Variants in RFX3 observed in about 807,000 individuals in gnomAD.
The protein encoded by RFX3 is transcription factor RFX3.
In RFX3, 14 loss-of-function variants were observed where a neutral mutation model predicts 98.6. The ratio of observed to expected loss-of-function variants is 0.14; its 90% CI spans 0.09 to 0.22. The LOEUF is 0.22. RFX3 is among the 10% of genes least tolerant of loss of function. RFX3 has a pLI of 1.00. For synonymous variants in RFX3, 383 were observed against 328.4 expected, an observed-to-expected ratio of 1.17 and a Z score of -1.80; for missense variants, 639 against 926.9, an observed-to-expected ratio of 0.69 and a Z score of 4.03.
intron 1 of RFX3, among the ~76,000 whole-genome samples, chr9:3,412,344 A>C (rs1010999096): frequency 1.3e-5 from 2 of 152,166 alleles, no homozygotes; most frequent in African/African-American, 4.8e-5. Context: ...ATGAAGCTCT[A>C]CCACACCATT....
chr9:3,345,648 G>A (rs1229615073), intron 3 of RFX3, among the ~76,000 whole-genome samples: 1 of 152,058 alleles, frequency 6.6e-6, no homozygotes, highest in Non-Finnish European at 1.5e-5. Context: ...ATAACAAAAA[G>A]CTCAGAATAT....
chr9:3,386,027 C>G (rs2131783730), intron 2 of RFX3, among the ~76,000 whole-genome samples: 2 of 152,292 alleles, frequency 1.3e-5, no homozygotes, highest in East Asian at 3.9e-4. Flanking sequence ...GACACCACCA[C>G]CACCTCTGCA....
At chr9:3,274,895 G>A (rs750966088) in intron 9 of RFX3, among the ~76,000 whole-genome samples, 1 of 151,482 alleles carries the variant, frequency 6.6e-6, no homozygotes, top group Non-Finnish European at 1.5e-5. Flanking sequence ...TATATATGAA[G>A]GAAAAGGAAG....
Position 3,366,703 on chromosome 9 carries a change from T to TTTC in RFX3, c.118-19942_118-19940dup, listed in dbSNP as rs746390387. 3.3e-3 allele frequency among the ~76,000 whole-genome samples: 396 copies of TTTC among 118,280 alleles called. 3 individuals are homozygous for TTTC. The highest frequency in any genetic ancestry group is 7.6e-3 in the Middle Eastern group (2 of 262). 77.6% of individuals were successfully genotyped at this position (118,280 alleles called of 152,430 possible). A position where few individuals can be genotyped will look rare whatever the true frequency, so the allele number is the denominator to read the frequency against. Reference sequence around the variant, plus strand: ...CTTTCTTCTTTCTTTCCTTTCTTTCTTTCTTTCTTTCTTTCTTTCTTTCTT... The same window carrying TTTC: ...CTTTCTTCTTTCTTTCCTTTCTTTCTTTCTTCTTTCTTTCTTTCTTTCTTTCTT... On this transcript the variant is annotated intron_variant, in intron 2 of 16. Coordinates refer to ENST00000617270, the MANE Select transcript of RFX3 (RefSeq NM_001282116.2).
At chr9:3,390,957 C>T (rs369707349) in intron 2 of RFX3, among the ~76,000 whole-genome samples, 14 of 152,250 alleles carry the variant, frequency 9.2e-5, no homozygotes, top group African/African-American at 3.4e-4. Flanking sequence ...ATTACTTTTG[C>T]ACCAACCTAT....
chr9:3,523,069 T>C (rs1171332543), intron 1 of RFX3, among the ~76,000 whole-genome samples: 1 of 152,208 alleles, frequency 6.6e-6, no homozygotes, highest in African/African-American at 2.4e-5. Flanking sequence ...TAGTTTGCCA[T>C]ATATGTGTAT....
At chr9:3,232,575 G>A (rs1056256445) in intron 15 of RFX3, among the ~76,000 whole-genome samples, 4 of 152,122 alleles carry the variant, frequency 2.6e-5, no homozygotes, top group African/African-American at 9.7e-5. Context: ...CACATTAAAG[G>A]CTGAATAAAT....
At chr9:3,377,609 T>C (rs1419641003) in intron 2 of RFX3, among the ~76,000 whole-genome samples, 1 of 152,118 alleles carries the variant, frequency 6.6e-6, no homozygotes, top group Non-Finnish European at 1.5e-5. Flanking sequence ...GAATATATGT[T>C]GTATGACATC....
At chr9:3,524,314 C>T (rs1564204729) in intron 1 of RFX3, among the ~76,000 whole-genome samples, 3 of 151,846 alleles carry the variant, frequency 2.0e-5, no homozygotes, top group African/African-American at 7.3e-5. Context: ...GTATTCAAAT[C>T]TACAGAGAAA....
chr9:3,432,910 A>G (rs1399171791), intron 1 of RFX3, among the ~76,000 whole-genome samples: 1 of 152,182 alleles, frequency 6.6e-6, no homozygotes, highest in Non-Finnish European at 1.5e-5. Flanking sequence ...AGAAAAGATA[A>G]AGCAAAAAAG....
intron 2 of RFX3, among the ~76,000 whole-genome samples, chr9:3,389,270 T>A (rs1347354251): frequency 6.6e-6 from 1 of 151,992 alleles, no homozygotes; most frequent in Admixed American, 6.6e-5. Flanking sequence ...AGGCATAAAA[T>A]GAAAAACAAA....
At chr9:3,369,807 G>A (rs1277686258) in intron 2 of RFX3, among the ~76,000 whole-genome samples, 2 of 151,998 alleles carry the variant, frequency 1.3e-5, no homozygotes, top group Non-Finnish European at 1.5e-5. Context: ...GATTTACAGA[G>A]CAGTTGTTTT....
intron 1 of RFX3, among the ~76,000 whole-genome samples, chr9:3,421,177 A>G (rs1843410444): frequency 6.6e-6 from 1 of 152,198 alleles, no homozygotes; most frequent in Admixed American, 6.5e-5. Context: ...GCAAAATAAG[A>G]TATTAATGAA....
At chr9:3,423,640 A>C (rs183789358) in intron 1 of RFX3, among the ~76,000 whole-genome samples, 131 of 151,958 alleles carry the variant, frequency 8.6e-4, no homozygotes, top group Non-Finnish European at 1.7e-3. Flanking sequence ...GGGGCTGGGG[A>C]TGGGTACAAG....
chr9:3,253,538 G>C (rs1302086365), intron 14 of RFX3, among the ~76,000 whole-genome samples: 2 of 60,612 alleles, frequency 3.3e-5, no homozygotes, highest in Admixed American at 4.6e-4. Context: ...TTCTGCCCAA[G>C]AAAGGCAGTG....
intron 2 of RFX3, among the ~76,000 whole-genome samples, chr9:3,384,035 G>A (rs1338035601): frequency 2.0e-5 from 3 of 151,988 alleles, no homozygotes; most frequent in South Asian, 2.1e-4. Context: ...TTTGATGACC[G>A]ATTCATTTGG....
At chr9:3,346,049 A>C (rs571310843) in intron 3 of RFX3, among the ~76,000 whole-genome samples, 1 of 152,320 alleles carries the variant, frequency 6.6e-6, no homozygotes, top group Non-Finnish European at 1.5e-5. Flanking sequence ...GACTTACAAT[A>C]ATTCTTAGTT....
At chr9:3,449,886 GAAAA>G (rs78122917) in intron 1 of RFX3, among the ~76,000 whole-genome samples, 2 of 100,206 alleles carry the variant, frequency 2.0e-5, no homozygotes, top group Non-Finnish European at 4.5e-5. Context: ...AAAAAGAAAA[GAAAA>G]AAAAAAAAAA....
At chr9:3,385,432 C>G (rs947631298) in intron 2 of RFX3, among the ~76,000 whole-genome samples, 1 of 151,992 alleles carries the variant, frequency 6.6e-6, no homozygotes, top group South Asian at 2.1e-4. Context: ...AACTCTTGGC[C>G]GGGTGCAGTG....
Sources: allele counts gnomAD v4.1 joint callset (sites outside exome capture counted in the v4.1 genomes callset), GRCh38; gene constraint gnomAD v4.1.1; transcripts MANE v1.5; gene names NCBI Gene and HGNC (gene_info 2026-07-23, HGNC 2026-07-21).